The following RNF144A variants were observed in gnomAD, a reference collection of about 807,000 sequenced individuals.
RNF144A encodes the protein ring finger protein 144A.
A neutral mutation model predicts 38.7 loss-of-function variants in RNF144A; 11 were observed. That is an observed-to-expected ratio of 0.28 (90% CI 0.18 to 0.47). RNF144A has a LOEUF of 0.47. Among genes scored for constraint, RNF144A ranks in the 20% least tolerant of loss-of-function variants. The pLI is 0.99. For synonymous variants in RNF144A, 149 were observed against 143.9 expected (o/e 1.04, Z -0.25); for missense variants, 316 against 377.2 (o/e 0.84, Z 1.34).
chr2:7,030,945 A>T (rs182403426), intron 8 of RNF144A, among the ~76,000 whole-genome samples: 2 of 152,098 alleles, frequency 1.3e-5, no homozygotes, highest in East Asian at 3.9e-4. Flanking sequence ...TGCAACCCAG[A>T]TCCCTCGCAT....
At chr2:7,032,871 C>G (rs181934536) in intron 8 of RNF144A, among the ~76,000 whole-genome samples, 3 of 152,240 alleles carry the variant, frequency 2.0e-5, no homozygotes, top group East Asian at 1.9e-4. Context: ...CCCCTCCCCA[C>G]GCAGCATAGA....
chr2:6,968,408 C>A (rs2103342062), intron 2 of RNF144A, among the ~76,000 whole-genome samples: 1 of 152,346 alleles, frequency 6.6e-6, no homozygotes, highest in East Asian at 1.9e-4. Flanking sequence ...GAACAGACTC[C>A]TAGTGGGTGC....
chr2:6,946,441 A>G (rs1666347965), intron 2 of RNF144A, among the ~76,000 whole-genome samples: 1 of 152,036 alleles, frequency 6.6e-6, no homozygotes, highest in African/African-American at 2.4e-5. Flanking sequence ...GTGTTTCATA[A>G]TTTATCTCAG....
intron 2 of RNF144A, among the ~76,000 whole-genome samples, chr2:6,961,392 A>AT (rs35808012): frequency 0.21 from 32,053 of 149,652 alleles, 4,848 homozygotes; most frequent in African/African-American, 0.41. Context: ...ATAAAGGTAC[A>AT]TTTTTTTTTT....
chr2:6,970,403 G>C (rs1198636811), intron 2 of RNF144A, among the ~76,000 whole-genome samples: 1 of 152,272 alleles, frequency 6.6e-6, no homozygotes, highest in South Asian at 2.1e-4. Flanking sequence ...CTTTCACCAT[G>C]ATTGCGAAGC....
chr2:7,050,583 A>C (rs1673481102), intron 6 of RNF144A, among the ~76,000 whole-genome samples: 1 of 151,072 alleles, frequency 6.6e-6, no homozygotes, highest in Admixed American at 6.6e-5. Flanking sequence ...TTCCTGGGGC[A>C]TTCTCTGTTT....
intron 2 of RNF144A, among the ~76,000 whole-genome samples, chr2:6,963,420 G>T (rs181238318): frequency 2.0e-5 from 3 of 152,270 alleles, no homozygotes; most frequent in African/African-American, 7.2e-5. Context: ...TTCTGAGCTC[G>T]TAGACATTCC....
chr2:7,057,328 T>G (rs1222387266), intron 6 of RNF144A, among the ~76,000 whole-genome samples: 2 of 152,198 alleles, frequency 1.3e-5, no homozygotes, highest in Non-Finnish European at 2.9e-5. Context: ...AAATACCTCC[T>G]GAGTGAGCGC....
At chr2:6,926,432 G>T (rs79215271) in intron 1 of RNF144A, among the ~76,000 whole-genome samples, 3,691 of 152,332 alleles carry the variant, frequency 0.024, 67 homozygotes, top group Non-Finnish European at 0.04. Context: ...CCGTGCAGGG[G>T]TTGGCCGTGC....
At position 6,917,562 on chromosome 2, in the gene RNF144A, A is replaced by AC. The variant is rs1664198912; in HGVS notation, c.-268dup. Reference sequence around the variant, plus strand: ...GGGCGGCAAACTGCGGGCACCCGGCACCCCGCAGCCAGTACCGGGCGGAGG... The same window carrying AC: ...GGGCGGCAAACTGCGGGCACCCGGCACCCCCGCAGCCAGTACCGGGCGGAGG... On this transcript the variant is annotated 5_prime_UTR_variant, in exon 1 of 9. Transcript: ENST00000320892. The surrounding 1 kb of genome is among the most constrained non-coding windows in gnomAD (Gnocchi z 4.8). The AC allele has an allele frequency of 4.1e-5, 6 of 147,306 alleles. No homozygotes were observed. Among genetic ancestry groups the AC allele is most frequent in the African/African-American group, 1.5e-4 (6 of 40,794 alleles). 9.1% of individuals were successfully genotyped at this position (147,306 alleles called of 1,614,324 possible).
At position 6,973,962 on chromosome 2, in the gene RNF144A, C is replaced by G. The variant is rs530792380; in HGVS notation, c.-11-22954C>G. Among the ~76,000 whole-genome samples the G allele has an allele frequency of 2.0e-3, 298 of 152,354 alleles. 8 individuals are homozygous for G. Among genetic ancestry groups the G allele is most frequent in the Non-Finnish European group, 4.0e-4 (27 of 68,034 alleles). On this transcript the variant is annotated intron_variant, in intron 2 of 8. Transcript: ENST00000320892. ...AGACTTTGCCAGTCTCTGGTCCACACTGTTACTGGACTTCAGGATAGCACA... is the reference window on the plus strand; with the variant it reads ...AGACTTTGCCAGTCTCTGGTCCACAGTGTTACTGGACTTCAGGATAGCACA...
chr2:7,029,566 A>C (rs1216155661), intron 7 of RNF144A, among the ~76,000 whole-genome samples: 2 of 152,178 alleles, frequency 1.3e-5, no homozygotes, highest in Non-Finnish European at 2.9e-5. Context: ...GAGGAAAATC[A>C]AGTGGCCTGA....
chr2:6,996,550 C>T (rs1424588659), intron 2 of RNF144A, among the ~76,000 whole-genome samples: 2 of 152,018 alleles, frequency 1.3e-5, no homozygotes, highest in Non-Finnish European at 2.9e-5. Flanking sequence ...GTCAGGAGAT[C>T]GAGACCATCC....
chr2:7,021,650 C>T (rs1671542186), intron 6 of RNF144A, among the ~76,000 whole-genome samples: 1 of 152,232 alleles, frequency 6.6e-6, no homozygotes, highest in Admixed American at 6.5e-5. Flanking sequence ...TGTGTTCCCC[C>T]TGAGATTCTC....
intron 2 of RNF144A, among the ~76,000 whole-genome samples, chr2:6,994,458 C>A (rs112313290): frequency 5.9e-4 from 89 of 152,132 alleles, no homozygotes; most frequent in Non-Finnish European, 1.9e-4. Flanking sequence ...AAAGTCACAG[C>A]CTGTCAGCCT....
At chr2:7,024,975 G>C (rs1474945561) in intron 7 of RNF144A, among the ~76,000 whole-genome samples, 1 of 152,028 alleles carries the variant, frequency 6.6e-6, no homozygotes, top group African/African-American at 2.4e-5. Context: ...GTTCAGGATA[G>C]TGAGGACAGA....
chr2:6,945,669 A>G (rs1666290473), intron 2 of RNF144A, among the ~76,000 whole-genome samples: 1 of 151,802 alleles, frequency 6.6e-6, no homozygotes, highest in Non-Finnish European at 1.5e-5. Context: ...ATAAATGAGG[A>G]GACACAGGCT....
At chr2:7,006,627 C>T (rs900695341) in intron 3 of RNF144A, among the ~76,000 whole-genome samples, 4 of 152,136 alleles carry the variant, frequency 2.6e-5, no homozygotes, top group Non-Finnish European at 5.9e-5. Flanking sequence ...TTCACTGCCT[C>T]CCTCCCTCAC....
At chr2:6,953,437 A>G (rs1346796689) in intron 2 of RNF144A, among the ~76,000 whole-genome samples, 1 of 152,116 alleles carries the variant, frequency 6.6e-6, no homozygotes, top group Non-Finnish European at 1.5e-5. Flanking sequence ...CTCAAAAAAA[A>G]TTTTCTTCTC....
Sources: gnomAD v4.1 joint callset for allele counts (sites outside exome capture counted in the v4.1 genomes callset) on GRCh38, gnomAD v4.1.1 for gene constraint, Gnocchi (gnomAD v3.1) non-coding constraint, MANE v1.5 for transcripts, NCBI Gene and HGNC (gene_info 2026-07-23, HGNC 2026-07-21) for gene names.